The following HEXB variants were observed in gnomAD, a reference collection of about 807,000 sequenced individuals.
HEXB encodes hexosaminidase subunit beta.
HEXB carries 51 observed loss-of-function variants against 71.2 expected under a neutral mutation model. The ratio of observed to expected loss-of-function variants is 0.72; its 90% confidence interval spans 0.57 to 0.90. HEXB has a LOEUF of 0.90. Among genes scored for constraint, HEXB ranks in the 40% least tolerant of loss-of-function variants. The pLI is 0.00. For synonymous variants in HEXB, 266 were observed against 249.3 expected, an observed-to-expected ratio of 1.07 and a Z score of -0.63; for missense variants, 617 against 677.0, an observed-to-expected ratio of 0.91 and a Z score of 0.98.
At chr5:74,684,986 C>T (rs574122532), upstream of HEXB, among the ~76,000 whole-genome samples, 1 of 152,272 alleles carries the variant, frequency 6.6e-6, no homozygotes, top group Non-Finnish European at 1.5e-5. Context: ...CAGCACCGGG[C>T]ATTTTTCTTA....
chr5:74,687,179 T>C (rs958157526), intron 1 of HEXB, among the ~76,000 whole-genome samples: 1 of 152,246 alleles, frequency 6.6e-6, no homozygotes, highest in Non-Finnish European at 1.5e-5. Flanking sequence ...TTGGCCCTTA[T>C]GGCTAAGACT....
chr5:74,661,557 G>T (rs1295269131), intron 1 of HEXB, among the ~76,000 whole-genome samples: 2 of 77,730 alleles, frequency 2.6e-5, no homozygotes, highest in Non-Finnish European at 4.9e-5. Context: ...GTGTGTGTGT[G>T]TGTGTGTCTC....
chr5:74,720,846 A>G, intron 13 of HEXB, 99 bp downstream of exon 13: 1 of 973,430 alleles, frequency 1.0e-6, no homozygotes, highest in Non-Finnish European at 1.6e-6. Flanking sequence ...ACAAATAGTA[A>G]TTAGAAGAAA....
intron 5 of HEXB, among the ~76,000 whole-genome samples, chr5:74,704,265 G>A (rs182461677): frequency 6.6e-6 from 1 of 152,234 alleles, no homozygotes; most frequent in African/African-American, 2.4e-5. Flanking sequence ...CAATCCCCTT[G>A]TATGTAAAAG....
rs547744936 is a variant in HEXB, at chr5:74,668,014, G to A, written c.-376-21314G>A. Among the ~76,000 whole-genome samples, 9 of 152,206 alleles carry A rather than the reference G, an allele frequency of 5.9e-5. No homozygotes were observed. The East Asian group carries it at 1.7e-3, about 29-fold the overall frequency. The stretch of plus-strand genomic sequence containing the variant: ...GGGAAGGGCTAAATGGTTCTCAGGG[G>A]ACAGACAACCTGTCCTATTGCTCCA... On this transcript the variant is annotated intron_variant, in intron 1 of 13. Transcript: ENST00000511181.
intron 1 of HEXB, among the ~76,000 whole-genome samples, chr5:74,643,788 G>GA (rs1361456935): frequency 6.6e-6 from 1 of 152,148 alleles, no homozygotes; most frequent in African/African-American, 2.4e-5. Context: ...ACAGCTCAGG[G>GA]AATTAGACCA....
chr5:74,707,916 T>A (rs748582983), intron 6 of HEXB, among the ~76,000 whole-genome samples: 3 of 152,130 alleles, frequency 2.0e-5, no homozygotes, highest in Non-Finnish European at 2.9e-5. Context: ...CAGGCCAACA[T>A]TCAGATGCAG....
At chr5:74,674,619 A>AAG (rs1554033721) in intron 1 of HEXB, among the ~76,000 whole-genome samples, 94 of 151,604 alleles carry the variant, frequency 6.2e-4, no homozygotes, top group African/African-American at 9.4e-4. Context: ...AAAAAAAAAA[A>AAG]AAGAAGAAGA....
intron 1 of HEXB, among the ~76,000 whole-genome samples, chr5:74,679,020 A>T (rs1484043618): frequency 6.6e-6 from 1 of 152,266 alleles, no homozygotes; most frequent in Non-Finnish European, 1.5e-5. Context: ...ATACTCATAC[A>T]CTGTTGCCGT....
Position 74,693,720 on chromosome 5 carries a change from T to G in HEXB, c.511+16T>G, listed in dbSNP as rs371903068. ...GCATTACGAGGTAAGTTCCATGCAG[T>G]TTCATTGTTACTTTCCAGTAAAGGA... On this transcript the variant is annotated intron_variant, in intron 3 of 13. Transcript: ENST00000261416. 6 of 1,597,304 alleles carry G rather than the reference T, an allele frequency of 3.8e-6. No homozygotes were observed. The African/African-American group carries it at 8.0e-5, about 21-fold the overall frequency.
chr5:74,705,150 A>T (rs758357547), intron 5 of HEXB, 69 bp from the exon 6 acceptor site: 2 of 923,886 alleles, frequency 2.2e-6, no homozygotes, highest in Non-Finnish European at 3.6e-6. Flanking sequence ...GCAATTCCAA[A>T]TGTAGATAGG....
chr5:74,693,633 A>G lies in HEXB; in HGVS notation c.446-6A>G, dbSNP rs763290427. The G allele has an allele frequency of 5.0e-6, 8 of 1,603,274 alleles. No individual in the cohort carries two copies. The highest frequency in any genetic ancestry group is 6.0e-6 in the Non-Finnish European group (7 of 1,170,114). ...GTGTGTGTGTGATTTTAAATCCTCA[A>G]TACAGATACTTTACTTGTGAAAGAA... On this transcript the variant is annotated splice_region_variant and splice_polypyrimidine_tract_variant and intron_variant, in intron 2 of 13. Transcript: ENST00000261416.
chr5:74,686,058 G>A (rs1174015011), intron 1 of HEXB, among the ~76,000 whole-genome samples: 1 of 152,062 alleles, frequency 6.6e-6, no homozygotes, highest in Non-Finnish European at 1.5e-5. Flanking sequence ...TTCGAGCACT[G>A]CCTAAAACTG....
chr5:74,713,436 C>T, intron 6 of HEXB, 70 bp from the exon 7 acceptor site: 1 of 1,466,634 alleles, frequency 6.8e-7, no homozygotes, highest in Non-Finnish European at 9.5e-7. Flanking sequence ...AATGCAAGCA[C>T]AATTGTTAAC....
intron 1 of HEXB, among the ~76,000 whole-genome samples, chr5:74,645,968 A>C (rs1747995213): frequency 6.6e-6 from 1 of 151,360 alleles, no homozygotes; most frequent in Non-Finnish European, 1.5e-5. Flanking sequence ...TTTTTTTAAC[A>C]GTTATGTGAT....
chr5:74,682,501 G>A (rs373396526), upstream of HEXB, among the ~76,000 whole-genome samples: 6 of 152,326 alleles, frequency 3.9e-5, no homozygotes, highest in East Asian at 7.7e-4. Flanking sequence ...TGAACCACAA[G>A]AACTGTGAGA....
At chr5:74,649,479 G>A (rs1748063938) in intron 1 of HEXB, among the ~76,000 whole-genome samples, 1 of 152,186 alleles carries the variant, frequency 6.6e-6, no homozygotes, top group Admixed American at 6.5e-5. Flanking sequence ...AAAGAATAAT[G>A]TCTCACTTCG....
chr5:74,713,365 C>T, intron 6 of HEXB, 141 bp from the exon 7 acceptor site: 1 of 761,418 alleles, frequency 1.3e-6, no homozygotes, highest in East Asian at 2.6e-5. Flanking sequence ...TTAAATGAGT[C>T]ATCTAATATC....
intron 8 of HEXB, among the ~76,000 whole-genome samples, chr5:74,716,133 A>C (rs1300134086): frequency 6.6e-5 from 10 of 152,076 alleles, no homozygotes; most frequent in Non-Finnish European, 1.3e-4. Context: ...GTAAGGGTTT[A>C]AACTGGGCAA....
Sources: gnomAD v4.1 joint callset for allele counts (sites outside exome capture counted in the v4.1 genomes callset) on GRCh38, gnomAD v4.1.1 for gene constraint, MANE v1.5 for transcripts, NCBI Gene and HGNC (gene_info 2026-07-23, HGNC 2026-07-21) for gene names.